The following BNC1 variants were observed in gnomAD, a reference collection of about 807,000 sequenced individuals.
BNC1 encodes the protein basonuclin zinc finger protein 1.
BNC1 carries 8 observed loss-of-function variants against 66.5 expected under a neutral mutation model. The observed-to-expected ratio is 0.12, with a 90% CI of 0.07 to 0.22. The LOEUF is 0.22. BNC1 is among the 10% of genes least tolerant of loss of function. BNC1 has a pLI of 1.00. For missense variants in BNC1, 1,069 were observed against 1,241.3 expected, an observed-to-expected ratio of 0.86 and a Z score of 2.09; for synonymous variants, 454 against 452.6, an observed-to-expected ratio of 1.00 and a Z score of -0.04.
At chr15:83,282,490 G>A (rs2038388981) in intron 1 of BNC1, among the ~76,000 whole-genome samples, 1 of 152,166 alleles carries the variant, frequency 6.6e-6, no homozygotes, top group African/African-American at 2.4e-5. Context: ...AACATCTGAA[G>A]TAATGTTCTT....
At chr15:83,277,129 G>A (rs934845300) in intron 1 of BNC1, among the ~76,000 whole-genome samples, 2 of 152,166 alleles carry the variant, frequency 1.3e-5, no homozygotes, top group Non-Finnish European at 2.9e-5. Flanking sequence ...ACCCAGGCTG[G>A]AGGACAGTGA....
intron 4 of BNC1, among the ~76,000 whole-genome samples, chr15:83,259,168 A>G (rs2038115947): frequency 6.6e-6 from 1 of 152,206 alleles, no homozygotes; most frequent in Non-Finnish European, 1.5e-5. Context: ...CCTTTTAGTC[A>G]TATGTTATCA....
chr15:83,263,037 A>G lies in BNC1; in HGVS notation c.2214T>C (p.His738=). ...TTTCTTTGACATGCATATTCTTGTG[A>G]TGAATTTTCACACTACAAGCATTTT... is the stretch of plus-strand genomic sequence containing the variant. ...TFKNACSVKI[H]HKNMHVKEMH... Residue 738 remains histidine (H), a synonymous_variant, in exon 4 of 5, where the codon CAT becomes CAC. Coordinates refer to ENST00000345382, the MANE Select transcript of BNC1 (RefSeq NM_001717.4). 1 of 1,614,162 alleles carries G rather than the reference A, an allele frequency of 6.2e-7. No individual in the cohort carries two copies. The highest frequency in any genetic ancestry group is 1.1e-5 in the South Asian group (1 of 91,076).
intron 1 of BNC1, among the ~76,000 whole-genome samples, chr15:83,269,040 A>G (rs2038244569): frequency 6.6e-6 from 1 of 152,220 alleles, no homozygotes; most frequent in African/African-American, 2.4e-5. Flanking sequence ...CCTGGCCAAT[A>G]TGGTGAAACC....
Position 83,263,658 on chromosome 15 carries a change from G to A in BNC1, c.1593C>T (p.Ala531=). ...QLISNEMPFD[A]LPKKKSRKSS... is the part of the protein sequence containing the mutation. ...ACTTCCTGGATTTCTTCTTGGGAAGGGCATCAAATGGCATTTCGTTTGAAA... is the reference window on the plus strand; with the variant it reads ...ACTTCCTGGATTTCTTCTTGGGAAGAGCATCAAATGGCATTTCGTTTGAAA... Residue 531 remains alanine, a synonymous_variant, in exon 4 of 5, where the codon GCC becomes GCT. Coordinates refer to ENST00000345382, the MANE Select transcript of BNC1 (RefSeq NM_001717.4). The A allele has an allele frequency of 6.2e-7, 1 of 1,614,180 alleles. No individual in the cohort carries two copies. Among genetic ancestry groups the A allele is most frequent in the Non-Finnish European group, 8.5e-7 (1 of 1,180,028 alleles).
chr15:83,269,388 G>T (rs1407837183), intron 1 of BNC1, among the ~76,000 whole-genome samples: 1 of 152,136 alleles, frequency 6.6e-6, no homozygotes, highest in Admixed American at 6.5e-5. Context: ...CTGCTGGGTA[G>T]AATTTGTATG....
rs1049638005 is a variant in BNC1 at position 83,257,298 on chromosome 15, T to C, written c.*144A>G. ...TCCCACGAGGTTTGTCTTTTGCTCA[T>C]TGTGCTGTGGAAAACTATAAAGTCA... On this transcript the variant is annotated 3_prime_UTR_variant, in exon 5 of 5. Coordinates refer to ENST00000345382, the MANE Select transcript of BNC1 (RefSeq NM_001717.4). 52 of 963,462 alleles carry C rather than the reference T, an allele frequency of 5.4e-5. No homozygotes were observed. In the African/African-American group the frequency reaches 5.6e-4, roughly 10 times the overall value. 59.7% of individuals were successfully genotyped at this position (963,462 alleles called of 1,614,324 possible).
intron 1 of BNC1, among the ~76,000 whole-genome samples, chr15:83,278,978 A>C (rs2038353050): frequency 6.6e-6 from 1 of 152,254 alleles, no homozygotes; most frequent in Non-Finnish European, 1.5e-5. Flanking sequence ...TATATATTAA[A>C]AAAGACAATG....
intron 1 of BNC1, among the ~76,000 whole-genome samples, chr15:83,282,562 A>C (rs934210289): frequency 7.2e-5 from 11 of 152,226 alleles, no homozygotes; most frequent in African/African-American, 2.7e-4. Flanking sequence ...ATATGTATCA[A>C]CGAATCTGGG....
rs773028674 is a variant in BNC1, at chr15:83,268,243, G to A, written c.100-11C>T. The A allele has an allele frequency of 6.3e-6, 10 of 1,599,990 alleles. No homozygotes were observed. The highest frequency in any genetic ancestry group is 3.3e-4 in the Middle Eastern group (2 of 6,058). Reference sequence around the variant, plus strand: ...AGTACAGCTGATAGCCTGAAAAAGAGGAGAAAACAGGTATGTGGAGCATGT... The same window carrying A: ...AGTACAGCTGATAGCCTGAAAAAGAAGAGAAAACAGGTATGTGGAGCATGT... On this transcript the variant is annotated splice_polypyrimidine_tract_variant and intron_variant, in intron 1 of 4. Coordinates refer to ENST00000345382, the MANE Select transcript of BNC1 (RefSeq NM_001717.4).
intron 4 of BNC1, among the ~76,000 whole-genome samples, 156 bp downstream of exon 4, chr15:83,262,795 T>C (rs1280962454): frequency 2.6e-5 from 4 of 152,158 alleles, no homozygotes; most frequent in South Asian, 2.1e-4. Context: ...TTGTTAAAAA[T>C]GCCAACTCTC....
chr15:83,262,991 C>T lies in BNC1; in HGVS notation c.2260G>A (p.Gly754Ser). The change falls in exon 4 of 5, where the codon GGC becomes AGC. Residue 754 changes from glycine (G) to serine (S), a missense_variant. By Grantham distance (56) the Gly-to-Ser change is moderately conservative (BLOSUM62 0). Transcript: ENST00000345382. ...VKEMHTCTVE[G>S]CNATFPSRRS... ...CGGGAGGGAAAGGTAGCATTACAGC[C>T]CTCCACTGTGCATGTGTGCATTTCT... 1 of 1,613,886 alleles carries T rather than the reference C, an allele frequency of 6.2e-7. No homozygotes were observed. Among genetic ancestry groups the T allele is most frequent in the Non-Finnish European group, 8.5e-7 (1 of 1,179,910 alleles).
rs758571019 is a variant in BNC1 at position 83,264,460 on chromosome 15, T to C, written c.791A>G (p.Tyr264Cys). The change falls in exon 4 of 5, where the codon TAT becomes TGT. Residue 264 changes from tyrosine to cysteine, a missense_variant. This residue lies in a region of BNC1 where 181 missense variants were observed against 181.5 expected (regional missense o/e 1.00). Coordinates refer to ENST00000345382, the MANE Select transcript of BNC1 (RefSeq NM_001717.4). ...TTGGTCATGACCCTGCTCCAACATA[T>C]ATTGTTCGGGCAATGACCCTATCAG... ...PALIGSLPEQ[Y>C]MLEQGHDQSQ... 4.8e-5 allele frequency: 78 copies of C among 1,614,010 alleles called. 1 individual carries two copies. The South Asian group carries it at 7.0e-4, about 15-fold the overall frequency.
chr15:83,263,674 T>G lies in BNC1; in HGVS notation c.1577A>C (p.Glu526Ala). Residue 526 changes from glutamate (E) to alanine (A), a missense_variant, in exon 4 of 5, where the codon GAA becomes GCA. By Grantham distance (107) the Glu-to-Ala change is moderately radical. Transcript: ENST00000345382. ...CTTGGGAAGGGCATCAAATGGCATT[T>G]CGTTTGAAATGAGCTGTTCTGGGAT... ...SSIPEQLISN[E>A]MPFDALPKKK... 1 of 1,614,174 alleles carries G rather than the reference T, an allele frequency of 6.2e-7. No homozygotes were observed. Among genetic ancestry groups the G allele is most frequent in the Non-Finnish European group, 8.5e-7 (1 of 1,180,032 alleles).
intron 2 of BNC1, among the ~76,000 whole-genome samples, 173 bp downstream of exon 2, chr15:83,267,960 G>C (rs1047869874): frequency 6.6e-6 from 1 of 152,114 alleles, no homozygotes; most frequent in South Asian, 2.1e-4. Context: ...TTCCCATATA[G>C]AGTAGTTAAG....
At position 83,267,027 on chromosome 15, in the gene BNC1, C is replaced by T. The variant is rs755643258; in HGVS notation, c.244G>A (p.Val82Met). The change falls in exon 3 of 5, where the codon GTG becomes ATG. Residue 82 changes from valine to methionine, a missense_variant. By Grantham distance (21) the Val-to-Met change is conservative. Transcript: ENST00000345382. Reference sequence around the variant, plus strand: ...ACTACATTGGACTGGACAATCTCCACCTGGCTTGTTGGATACATGGGGGGG... The same window carrying T: ...ACTACATTGGACTGGACAATCTCCATCTGGCTTGTTGGATACATGGGGGGG... ...RIPPMYPTSQ[V>M]EIVQSNVVFD... The T allele has an allele frequency of 6.2e-7, 1 of 1,614,082 alleles. No homozygotes were observed. The highest frequency in any genetic ancestry group is 1.1e-5 in the South Asian group (1 of 91,064).
chr15:83,268,556 C>T (rs1291673381), intron 1 of BNC1, among the ~76,000 whole-genome samples: 1 of 152,134 alleles, frequency 6.6e-6, no homozygotes, highest in Non-Finnish European at 1.5e-5. Context: ...CATATTTTCA[C>T]CAAATTTCTA....
At position 83,263,532 on chromosome 15, in the gene BNC1, A is replaced by G. The variant is rs764612164; in HGVS notation, c.1719T>C (p.Ser573=). 1.2e-6 allele frequency: 2 copies of G among 1,614,176 alleles called. No individual in the cohort carries two copies. Among genetic ancestry groups the G allele is most frequent in the African/African-American group, 1.3e-5 (1 of 75,036 alleles). Residue 573 remains serine, a synonymous_variant, in exon 4 of 5, where the codon AGT becomes AGC. Transcript: ENST00000345382. Reference sequence around the variant, plus strand: ...GACTGCAGGCCTCCTGCTCATCTTCACTGACCACCTGTAGGGGCATGTCTT... The same window carrying G: ...GACTGCAGGCCTCCTGCTCATCTTCGCTGACCACCTGTAGGGGCATGTCTT... ...SDEDMPLQVV[S]EDEQEACSPQ...
At chr15:83,265,209 T>C (rs372606420) in intron 3 of BNC1, among the ~76,000 whole-genome samples, 1 of 152,232 alleles carries the variant, frequency 6.6e-6, no homozygotes, top group Non-Finnish European at 1.5e-5. Context: ...CTAAAGAGAA[T>C]AGATGGAACA....
Sources: allele counts gnomAD v4.1 joint callset (sites outside exome capture counted in the v4.1 genomes callset), GRCh38; gene constraint gnomAD v4.1.1; regional missense constraint gnomAD v4.1.1; transcripts MANE v1.5; gene names NCBI Gene and HGNC (gene_info 2026-07-23, HGNC 2026-07-21).